Variants in PCDH11X observed in about 807,000 individuals in gnomAD.
PCDH11X encodes protocadherin-11 X-linked.
A neutral mutation model predicts 53.3 loss-of-function variants in PCDH11X; 18 were observed. The ratio of observed to expected loss-of-function variants is 0.34; its 90% CI spans 0.23 to 0.50. PCDH11X has a LOEUF of 0.50. Among genes scored for constraint, PCDH11X ranks in the 20% least tolerant of loss-of-function variants. The probability of loss-of-function intolerance (pLI) is 0.98; values close to 1 mark genes in which losing one functional copy is unlikely to be tolerated. For missense variants in PCDH11X, 570 were observed against 1,032.4 expected (o/e 0.55, Z 6.14); for synonymous variants, 279 against 393.3 (o/e 0.71, Z 3.44).
intron 6 of PCDH11X, among the ~76,000 whole-genome samples, chrX:92,001,503 T>G (rs1414871346): frequency 9.4e-6 from 1 of 105,834 alleles, no homozygotes; most frequent in Non-Finnish European, 1.9e-5. Flanking sequence ...AGTTTCTCTC[T>G]TGTTGTCCAG....
Position 92,563,836 on chromosome X carries a change from C to T in PCDH11X, c.3368-54428C>T, listed in dbSNP as rs746439102. Among the ~76,000 whole-genome samples the T allele has an allele frequency of 5.4e-5, 6 of 110,625 alleles. No individual in the cohort carries two copies. In the East Asian group the frequency reaches 1.7e-3, roughly 31 times the overall value. On this transcript the variant is annotated intron_variant, in intron 10 of 10. Transcript: ENST00000682573. ...CACTGTAATGATGGTGAGTAAACTG[C>T]TCTTAAGTAGAAAGACTAAATAACA...
At chrX:91,904,391 C>G (rs1295997185) in intron 6 of PCDH11X, among the ~76,000 whole-genome samples, 1 of 109,525 alleles carries the variant, frequency 9.1e-6, no homozygotes, top group Non-Finnish European at 1.9e-5. Context: ...AAGCATCCAA[C>G]TATGATTGAC....
chrX:92,562,640 A>G (rs1209437469), intron 10 of PCDH11X, among the ~76,000 whole-genome samples: 5 of 109,697 alleles, frequency 4.6e-5, no homozygotes, highest in Non-Finnish European at 7.6e-5. Context: ...AACACAGGCT[A>G]TTAGAAGCAG....
At chrX:91,872,159 C>G (rs1328861357) in intron 5 of PCDH11X, among the ~76,000 whole-genome samples, 1 of 109,963 alleles carries the variant, frequency 9.1e-6, no homozygotes, top group South Asian at 3.9e-4. Context: ...ACATACCACA[C>G]TTAGTATTTG....
At chrX:91,903,567 T>C (rs1212281724) in intron 6 of PCDH11X, among the ~76,000 whole-genome samples, 1 of 109,874 alleles carries the variant, frequency 9.1e-6, no homozygotes, top group Admixed American at 9.9e-5. Context: ...TATTTTTTTA[T>C]AGTGGAGACT....
At chrX:92,048,414 A>G (rs1602752072) in intron 6 of PCDH11X, among the ~76,000 whole-genome samples, 1 of 111,279 alleles carries the variant, frequency 9.0e-6, no homozygotes, top group African/African-American at 3.3e-5. Flanking sequence ...CTCTTATTTA[A>G]AGAATAAGCT....
At chrX:92,098,552 C>T (rs1602906551) in intron 6 of PCDH11X, among the ~76,000 whole-genome samples, 1 of 109,789 alleles carries the variant, frequency 9.1e-6, no homozygotes, top group East Asian at 2.8e-4. Flanking sequence ...ATGGTTAAAG[C>T]ACAGGCATGA....
intron 8 of PCDH11X, among the ~76,000 whole-genome samples, chrX:92,317,033 G>C (rs770384761): frequency 9.0e-6 from 1 of 111,247 alleles, no homozygotes; most frequent in East Asian, 2.8e-4. Flanking sequence ...TGCGGTCAAG[G>C]GGGAAAAAAA....
At chrX:91,790,490 T>A (rs2147519212) in intron 1 of PCDH11X, among the ~76,000 whole-genome samples, 1 of 112,512 alleles carries the variant, frequency 8.9e-6, no homozygotes. Flanking sequence ...AATATCCAAT[T>A]AGATTTTCAT....
intron 4 of PCDH11X, among the ~76,000 whole-genome samples, chrX:91,819,266 G>C (rs1936553780): frequency 9.3e-6 from 1 of 107,089 alleles, no homozygotes; most frequent in South Asian, 4.2e-4. Context: ...GTTGTCCTAA[G>C]TGAGAAACAG....
intron 5 of PCDH11X, among the ~76,000 whole-genome samples, chrX:91,856,726 T>A (rs1345521508): frequency 2.7e-5 from 3 of 110,327 alleles, no homozygotes; most frequent in Middle Eastern, 4.6e-3. Context: ...CCTGTGTTAG[T>A]TTGCGGAGGA....
chrX:92,102,780 G>T (rs2064288395), intron 6 of PCDH11X, among the ~76,000 whole-genome samples: 1 of 111,280 alleles, frequency 9.0e-6, no homozygotes, highest in Non-Finnish European at 1.9e-5. Context: ...GGATAGGAGA[G>T]TATATGGGTT....
At chrX:92,244,848 G>A (rs983376128) in intron 7 of PCDH11X, among the ~76,000 whole-genome samples, 2 of 111,826 alleles carry the variant, frequency 1.8e-5, no homozygotes, top group South Asian at 3.7e-4. Flanking sequence ...AATAATATTT[G>A]TTGATTGAGG....
chrX:91,816,254 A>G (rs1936450013), intron 4 of PCDH11X, among the ~76,000 whole-genome samples: 1 of 111,700 alleles, frequency 9.0e-6, no homozygotes, highest in African/African-American at 3.3e-5. Context: ...TCTTCCATAC[A>G]TTGCCCCAAT....
intron 9 of PCDH11X, among the ~76,000 whole-genome samples, chrX:92,388,196 C>T (rs963338603): frequency 9.0e-6 from 1 of 111,067 alleles, no homozygotes; most frequent in Admixed American, 9.6e-5. Flanking sequence ...TTTATGTACA[C>T]CTGTATATTT....
chrX:92,119,120 T>C (rs947221674), intron 6 of PCDH11X, among the ~76,000 whole-genome samples: 5 of 109,841 alleles, frequency 4.6e-5, no homozygotes, highest in African/African-American at 1.7e-4. Context: ...TTATTTGGTT[T>C]TTTTTGAGAC....
Position 92,348,829 on chromosome X carries a change from G to A in PCDH11X, c.3145-38906G>A, listed in dbSNP as rs190107281. 2.4e-3 allele frequency among the ~76,000 whole-genome samples: 253 copies of A among 106,509 alleles called. 6 individuals carry two copies. In the East Asian group the frequency reaches 0.045, roughly 19 times the overall value. 92.5% of individuals were successfully genotyped at this position (106,509 alleles called of 115,157 possible). ...AGGATTTACAGGCGTGAGCCAACAC[G>A]CCTGGCCACTTATCAAAATTATAAG... On this transcript the variant is annotated intron_variant, in intron 8 of 10. Coordinates refer to ENST00000682573, the MANE Select transcript of PCDH11X (RefSeq NM_032968.5).
chrX:92,186,002 A>G (rs1184444915), intron 6 of PCDH11X, among the ~76,000 whole-genome samples: 1 of 111,592 alleles, frequency 9.0e-6, no homozygotes, highest in Non-Finnish European at 1.9e-5. Flanking sequence ...CAATCTTACT[A>G]CTGGGTATAT....
intron 8 of PCDH11X, among the ~76,000 whole-genome samples, chrX:92,377,471 G>A (rs750209780): frequency 9.0e-6 from 1 of 110,961 alleles, no homozygotes; most frequent in East Asian, 2.8e-4. Flanking sequence ...GTATTATGAA[G>A]GCTGTACCAA....
Sources: gnomAD v4.1 joint callset for allele counts (sites outside exome capture counted in the v4.1 genomes callset) on GRCh38, gnomAD v4.1.1 for gene constraint, MANE v1.5 for transcripts, NCBI Gene and HGNC (gene_info 2026-07-23, HGNC 2026-07-21) for gene names.